Variants in BACE2 observed in about 807,000 individuals in gnomAD.
BACE2 encodes 56 kDa aspartic-like protease.
Under a neutral mutation model 46.2 loss-of-function variants are expected in BACE2, and 17 were observed. The ratio of observed to expected loss-of-function variants is 0.37; its 90% CI spans 0.25 to 0.55. The LOEUF (loss-of-function observed/expected upper bound fraction) is 0.55, where lower values mean the gene tolerates loss of function less well. Ranked by LOEUF, BACE2 falls within the 20% of genes least tolerant of loss-of-function variation. BACE2 has a pLI of 0.82. For synonymous variants in BACE2, 277 were observed against 295.9 expected, an observed-to-expected ratio of 0.94 and a Z score of 0.66; for missense variants, 595 against 698.1, an observed-to-expected ratio of 0.85 and a Z score of 1.66.
intron 1 of BACE2, chr21:41,185,304 A>C (rs1985330799): frequency 6.6e-6 from 1 of 152,640 alleles, no homozygotes; most frequent in Non-Finnish European, 1.5e-5. Flanking sequence ...GAGGGGGCTA[A>C]ACAAATGGAG....
At chr21:41,266,051 T>G (rs1409532636) in intron 8 of BACE2, among the ~76,000 whole-genome samples, 1 of 152,210 alleles carries the variant, frequency 6.6e-6, no homozygotes, top group African/African-American at 2.4e-5. Context: ...CTAGTAAATA[T>G]TTGGGAGATG....
chr21:41,208,037 T>C (rs1189356680), intron 1 of BACE2, among the ~76,000 whole-genome samples: 1 of 152,114 alleles, frequency 6.6e-6, no homozygotes, highest in African/African-American at 2.4e-5. Flanking sequence ...CTCATACCGC[T>C]AGGGCCTTAG....
chr21:41,218,594 A>T (rs1986545723), intron 1 of BACE2, among the ~76,000 whole-genome samples: 1 of 152,182 alleles, frequency 6.6e-6, no homozygotes, highest in Non-Finnish European at 1.5e-5. Context: ...AAATCTTGAA[A>T]ATATATAAAC....
intron 2 of BACE2, among the ~76,000 whole-genome samples, chr21:41,228,641 A>G (rs1445801495): frequency 6.6e-6 from 1 of 152,132 alleles, no homozygotes; most frequent in African/African-American, 2.4e-5. Context: ...GTGAGATCTC[A>G]GTCATTATTA....
At chr21:41,171,066 A>T (rs1984591545) in intron 1 of BACE2, among the ~76,000 whole-genome samples, 1 of 152,220 alleles carries the variant, frequency 6.6e-6, no homozygotes, top group South Asian at 2.1e-4. Flanking sequence ...CCAGACAGAT[A>T]ACGACTTCCT....
Position 41,217,175 on chromosome 21 carries a change from C to T in BACE2, c.313-9091C>T, listed in dbSNP as rs565517783. Among the ~76,000 whole-genome samples, 99 of 152,266 alleles carry T rather than the reference C, an allele frequency of 6.5e-4. 1 individual carries two copies. The highest frequency in any genetic ancestry group is 2.3e-3 in the African/African-American group (94 of 41,568). On this transcript the variant is annotated intron_variant, in intron 1 of 8. Coordinates refer to ENST00000330333, the MANE Select transcript of BACE2 (RefSeq NM_012105.5). ...TTGAACTCTGACCTCGTGATCTGCC[C>T]GCCTCGGCCTCCCAAAGTGCCGGGA...
chr21:41,235,271 T>C (rs1279180414), intron 2 of BACE2, among the ~76,000 whole-genome samples: 1 of 152,232 alleles, frequency 6.6e-6, no homozygotes, highest in Non-Finnish European at 1.5e-5. Context: ...TCTGCATCAT[T>C]TAAAATTTCT....
chr21:41,257,052 C>A, intron 7 of BACE2, 106 bp from the exon 8 acceptor site: 1 of 1,285,810 alleles, frequency 7.8e-7, no homozygotes, highest in Non-Finnish European at 1.1e-6. Flanking sequence ...TGACTCCCCC[C>A]AGCGCCTGGG....
intron 1 of BACE2, among the ~76,000 whole-genome samples, chr21:41,222,147 G>T (rs1986676276): frequency 6.6e-6 from 1 of 152,228 alleles, no homozygotes; most frequent in African/African-American, 2.4e-5. Flanking sequence ...GTGACGTGGA[G>T]TGAGGACTGT....
intron 1 of BACE2, among the ~76,000 whole-genome samples, chr21:41,189,290 C>G (rs188999017): frequency 5.3e-5 from 8 of 152,182 alleles, no homozygotes; most frequent in African/African-American, 1.7e-4. Flanking sequence ...TGCCTGTTCT[C>G]TCTTCTTGGA....
In BACE2 at chr21:41,209,494, G is replaced by C. The variant is rs532538909; in HGVS notation, c.313-16772G>C. The stretch of plus-strand genomic sequence containing the variant: ...GGAATGCCAGTCTGGTGGATAATTT[G>C]ATGCGTGCCTTTTTCTGCAGAGTGA... On this transcript the variant is annotated intron_variant, in intron 1 of 8. Transcript: ENST00000330333. Among the ~76,000 whole-genome samples, 21 of 152,340 alleles carry C rather than the reference G, an allele frequency of 1.4e-4. No homozygotes were observed. The South Asian group carries it at 2.9e-3, about 21-fold the overall frequency.
chr21:41,246,395 T>C, intron 6 of BACE2: 1 of 159,978 alleles, frequency 6.3e-6, no homozygotes, highest in Non-Finnish European at 1.4e-5. Flanking sequence ...TTTCAAATAA[T>C]AGTTCAGTTG....
At chr21:41,249,320 A>G (rs1480052337) in intron 6 of BACE2, among the ~76,000 whole-genome samples, 1 of 148,290 alleles carries the variant, frequency 6.7e-6, no homozygotes, top group Non-Finnish European at 1.5e-5. Context: ...GGGACTCAGG[A>G]CTAGTGAGCC....
intron 1 of BACE2, among the ~76,000 whole-genome samples, chr21:41,200,214 C>CAAA: frequency 7.9e-6 from 1 of 126,938 alleles, no homozygotes; most frequent in African/African-American, 3.0e-5. Context: ...AAAAAAAAAC[C>CAAA]CAAAACCTCT....
intron 1 of BACE2, among the ~76,000 whole-genome samples, chr21:41,208,620 C>T (rs1055367235): frequency 6.6e-6 from 1 of 152,068 alleles, no homozygotes; most frequent in Non-Finnish European, 1.5e-5. Context: ...TCTCCCGTGT[C>T]CAGAATTCTT....
intron 1 of BACE2, among the ~76,000 whole-genome samples, chr21:41,222,194 C>T (rs1451105957): frequency 2.0e-5 from 3 of 152,182 alleles, no homozygotes; most frequent in African/African-American, 7.2e-5. Context: ...TTGAAATAAG[C>T]TAATGGATAT....
intron 1 of BACE2, among the ~76,000 whole-genome samples, chr21:41,188,795 G>C (rs1985466951): frequency 6.6e-6 from 1 of 152,228 alleles, no homozygotes; most frequent in Non-Finnish European, 1.5e-5. Flanking sequence ...GGATGGAGTT[G>C]CTTTAGCCTC....
chr21:41,266,760 G>A (rs1702871460), intron 8 of BACE2, among the ~76,000 whole-genome samples: 1 of 152,200 alleles, frequency 6.6e-6, no homozygotes, highest in Admixed American at 6.5e-5. Flanking sequence ...TCCTGGTCGT[G>A]GGAACCCCAG....
chr21:41,222,566 G>A (rs1199125798), intron 1 of BACE2, among the ~76,000 whole-genome samples: 1 of 152,246 alleles, frequency 6.6e-6, no homozygotes, highest in Admixed American at 6.5e-5. Flanking sequence ...AGGGCATGGC[G>A]AGTGACTCAG....
Sources: gnomAD v4.1 joint callset for allele counts (sites outside exome capture counted in the v4.1 genomes callset) on GRCh38, gnomAD v4.1.1 for gene constraint, MANE v1.5 for transcripts, NCBI Gene and HGNC (gene_info 2026-07-23, HGNC 2026-07-21) for gene names.